MED12L: variants seen among roughly 807,000 people sequenced by gnomAD.
MED12L encodes the protein mediator of RNA polymerase II transcription subunit 12-like protein.
Under a neutral mutation model 281.3 loss-of-function variants are expected in MED12L, and 60 were observed. The ratio of observed to expected loss-of-function variants is 0.21; its 90% CI spans 0.17 to 0.26. The LOEUF (loss-of-function observed/expected upper bound fraction) is 0.26, where lower values mean the gene tolerates loss of function less well. Ranked by LOEUF, MED12L falls within the 10% of genes least tolerant of loss-of-function variation. MED12L has a pLI of 1.00. For missense variants in MED12L, 2,146 were observed against 2,680.9 expected, an observed-to-expected ratio of 0.80 and a Z score of 4.41; for synonymous variants, 974 against 987.2, an observed-to-expected ratio of 0.99 and a Z score of 0.25.
intron 16 of MED12L, chr3:151,199,001 C>A: frequency 6.2e-7 from 1 of 1,614,046 alleles, no homozygotes; most frequent in Non-Finnish European, 8.5e-7. Context: ...TTTGGCAAAT[C>A]CGGGTTCTTG....
chr3:151,301,126 G>T (rs1312414741), intron 16 of MED12L, among the ~76,000 whole-genome samples: 1 of 152,122 alleles, frequency 6.6e-6, no homozygotes, highest in Non-Finnish European at 1.5e-5. Flanking sequence ...AATGATTAAG[G>T]CTCTCAGAAT....
rs761028675 is a variant in MED12L, at chr3:151,165,961, C to G, written c.1473C>G (p.Asn491Lys). Residue 491 changes from asparagine to lysine, a missense_variant, in exon 11 of 45, where the codon AAC becomes AAG. Asn to Lys is a moderately conservative substitution (Grantham distance 94). Transcript: ENST00000687756. ...TTTATCATAAGATTTTCTGGGCAAA[C>G]CAAAACAAAGATAACCAAGAGGTAG... ...ETLYHKIFWA[N>K]QNKDNQEVAP... is the part of the protein sequence containing the mutation. 15 of 1,611,904 alleles carry G rather than the reference C, an allele frequency of 9.3e-6. No individual in the cohort carries two copies. The East Asian group carries it at 3.3e-4, about 36-fold the overall frequency.
chr3:151,342,864 TAC>T (rs1439593028), intron 16 of MED12L, among the ~76,000 whole-genome samples: 1 of 152,216 alleles, frequency 6.6e-6, no homozygotes, highest in Non-Finnish European at 1.5e-5. Context: ...TTTAATTTCT[TAC>T]ACTGTCATGG....
At chr3:151,275,562 G>A (rs1741711698) in intron 16 of MED12L, among the ~76,000 whole-genome samples, 1 of 152,122 alleles carries the variant, frequency 6.6e-6, no homozygotes, top group African/African-American at 2.4e-5. Context: ...TAAAGAACAG[G>A]TGGATTGAGA....
At chr3:151,086,013 G>C (rs951461284) in intron 1 of MED12L, 77 bp downstream of exon 1, 1 of 152,350 alleles carries the variant, frequency 6.6e-6, no homozygotes, top group Non-Finnish European at 1.5e-5. Flanking sequence ...AGGAGCCCGA[G>C]ACGCCTGCGG....
rs565955029 is a variant in MED12L, at chr3:151,235,587, G to A, written c.2250+41921G>A. 3.7e-4 allele frequency among the ~76,000 whole-genome samples: 56 copies of A among 152,166 alleles called. 1 individual carries two copies. Among genetic ancestry groups the A allele is most frequent in the Admixed American group, 1.0e-3 (16 of 15,276 alleles). On this transcript the variant is annotated intron_variant, in intron 16 of 44. Transcript: ENST00000687756. ...GGCGTGCCTGTAATCCCAGTTACGC[G>A]GGAGGCTGAGGCAGGAGAATTCCTT...
chr3:151,329,371 T>C (rs1750086730), intron 16 of MED12L: 1 of 640,348 alleles, frequency 1.6e-6, no homozygotes, highest in Non-Finnish European at 2.7e-6. Context: ...TAATTTCTTA[T>C]GCTCATAAAC....
At chr3:151,415,058 A>G (rs1000177318) in intron 42 of MED12L, among the ~76,000 whole-genome samples, 2 of 152,192 alleles carry the variant, frequency 1.3e-5, no homozygotes, top group Admixed American at 6.5e-5. Flanking sequence ...CTAGTTTAGA[A>G]TTTCTCATTT....
chr3:151,205,116 T>C (rs1726164520), intron 16 of MED12L, among the ~76,000 whole-genome samples: 1 of 152,236 alleles, frequency 6.6e-6, no homozygotes. Flanking sequence ...TTTTTAATAC[T>C]AGTTTCATTT....
At chr3:151,166,502 A>C (rs1055098777) in intron 11 of MED12L, among the ~76,000 whole-genome samples, 3 of 151,546 alleles carry the variant, frequency 2.0e-5, no homozygotes, top group Non-Finnish European at 2.9e-5. Context: ...TAGAGAGAGA[A>C]AGGGGGGGAG....
In MED12L at chr3:151,290,879, G is replaced by A. The variant is rs535195798; in HGVS notation, c.2251-59180G>A. On this transcript the variant is annotated intron_variant, in intron 16 of 44. Transcript: ENST00000687756. ...GTTTTGTGAATTTTACCACTAGATG[G>A]TGATGGAAGACTGGGGAGTGTGCTG... Among the ~76,000 whole-genome samples the A allele has an allele frequency of 2.6e-5, 4 of 152,274 alleles. No individual in the cohort carries two copies. In the East Asian group the frequency reaches 7.7e-4, roughly 29 times the overall value.
chr3:151,379,331 T>C (rs1423573080), intron 31 of MED12L, among the ~76,000 whole-genome samples: 2 of 152,258 alleles, frequency 1.3e-5, no homozygotes, highest in Admixed American at 6.5e-5. Context: ...TGGAGAATAA[T>C]GCTGATTGAA....
At chr3:151,372,495 C>T (rs772294850) in intron 26 of MED12L, 72 bp from the exon 27 acceptor site, 211 of 1,088,766 alleles carry the variant, frequency 1.9e-4, no homozygotes, top group Non-Finnish European at 2.9e-4. Context: ...GAATGCTATC[C>T]TCATTTGCTC....
At chr3:151,215,610 G>A (rs532258377) in intron 16 of MED12L, among the ~76,000 whole-genome samples, 62 of 152,174 alleles carry the variant, frequency 4.1e-4, no homozygotes, top group Admixed American at 3.1e-3. Context: ...CACTGATGTC[G>A]GAAGTGTTGA....
chr3:151,258,248 A>G (rs1333702044), intron 16 of MED12L, among the ~76,000 whole-genome samples: 1 of 151,986 alleles, frequency 6.6e-6, no homozygotes, highest in Admixed American at 6.6e-5. Context: ...ATAATCAAGT[A>G]CTCTTGACCC....
At chr3:151,232,194 C>G (rs2149331118) in intron 16 of MED12L, among the ~76,000 whole-genome samples, 1 of 152,250 alleles carries the variant, frequency 6.6e-6, no homozygotes, top group South Asian at 2.1e-4. Context: ...TTTCTTTTCT[C>G]TTTCTATATA....
chr3:151,403,360 T>C (rs1284124497), intron 39 of MED12L, among the ~76,000 whole-genome samples: 5 of 152,188 alleles, frequency 3.3e-5, no homozygotes, highest in Non-Finnish European at 7.3e-5. Flanking sequence ...CCTGAGCTCT[T>C]GCTTCTCTCT....
At chr3:151,362,231 C>T (rs555750332) in intron 21 of MED12L, among the ~76,000 whole-genome samples, 1 of 152,108 alleles carries the variant, frequency 6.6e-6, no homozygotes, top group Non-Finnish European at 1.5e-5. Context: ...TCAACATCCA[C>T]TAAAGTGATC....
intron 16 of MED12L, among the ~76,000 whole-genome samples, chr3:151,319,777 G>A (rs1444221684): frequency 2.6e-5 from 4 of 151,998 alleles, no homozygotes; most frequent in Non-Finnish European, 5.9e-5. Flanking sequence ...AATCTGCATA[G>A]CATAACTCTT....
Sources: allele counts gnomAD v4.1 joint callset (sites outside exome capture counted in the v4.1 genomes callset), GRCh38; gene constraint gnomAD v4.1.1; transcripts MANE v1.5; gene names NCBI Gene and HGNC (gene_info 2026-07-23, HGNC 2026-07-21).